INVS: variants seen among roughly 807,000 people sequenced by gnomAD.
The protein encoded by INVS is inversion of embryo turning homolog.
A neutral mutation model predicts 108.8 loss-of-function variants in INVS; 86 were observed. That is an observed-to-expected ratio of 0.79 (90% CI 0.66 to 0.95). The LOEUF (loss-of-function observed/expected upper bound fraction) is 0.95, where lower values mean the gene tolerates loss of function less well. Among genes scored for constraint, INVS ranks in the 40% least tolerant of loss-of-function variants. The probability of loss-of-function intolerance (pLI) is 0.00; values close to 1 mark genes in which losing one functional copy is unlikely to be tolerated. For missense variants in INVS, 1,169 were observed against 1,297.4 expected (o/e 0.90, Z 1.52); for synonymous variants, 455 against 473.5 (o/e 0.96, Z 0.51).
At chr9:100,175,289 T>C (rs1247660084) in intron 3 of INVS, 2 of 684,204 alleles carry the variant, frequency 2.9e-6, no homozygotes, top group African/African-American at 1.8e-5. Flanking sequence ...CTATCCATCC[T>C]TGCATATATC....
intron 11 of INVS, 80 bp downstream of exon 11, chr9:100,265,008 T>C: frequency 2.2e-6 from 2 of 923,714 alleles, no homozygotes; most frequent in Non-Finnish European, 3.6e-6. Flanking sequence ...AGTGGCACGA[T>C]CTTGGCTCAC....
In INVS at chr9:100,300,765, A is replaced by G. The variant is rs1179980210; in HGVS notation, c.*91A>G. On this transcript the variant is annotated 3_prime_UTR_variant, in exon 17 of 17. Coordinates refer to ENST00000262457, the MANE Select transcript of INVS (RefSeq NM_014425.5). ...CTGATAATCTTTTACACCTTGGGAA[A>G]ACTTTAATATCCGTACCTGAAGGCT... is the stretch of plus-strand genomic sequence containing the variant. The G allele has an allele frequency of 9.2e-6, 8 of 874,118 alleles. No individual in the cohort carries two copies. The highest frequency in any genetic ancestry group is 1.3e-5 in the Non-Finnish European group (7 of 530,612). The allele number at this position is 874,118 out of a possible 1,614,324, so 54.1% of individuals were successfully genotyped here.
chr9:100,180,461 C>G (rs558976167), intron 3 of INVS, among the ~76,000 whole-genome samples: 8 of 151,908 alleles, frequency 5.3e-5, no homozygotes, highest in Non-Finnish European at 1.0e-4. Flanking sequence ...CCACTGATCC[C>G]ACAGAAATAC....
In INVS at chr9:100,240,150, G is replaced by A. The variant is rs150883233; in HGVS notation, c.706G>A (p.Val236Met). 57 of 1,613,782 alleles carry A rather than the reference G, an allele frequency of 3.5e-5. No individual in the cohort carries two copies. In the Admixed American group the frequency reaches 4.0e-4, roughly 11 times the overall value. ...HFAVADGNVT[V>M]VDVLTSYESC... is the part of the protein sequence containing the mutation. Reference sequence around the variant, plus strand: ...TGCAGTTGCTGATGGGAATGTGACCGTGGTTGATGTCTTGACCTCATATGA... The same window carrying A: ...TGCAGTTGCTGATGGGAATGTGACCATGGTTGATGTCTTGACCTCATATGA... The change falls in exon 6 of 17, where the codon GTG becomes ATG. Residue 236 changes from valine (V) to methionine (M), a missense_variant. By Grantham distance (21) the Val-to-Met change is conservative (BLOSUM62 1). This residue lies in a region of INVS where 365 missense variants were observed against 397.5 expected (regional missense o/e 0.92). Coordinates refer to ENST00000262457, the MANE Select transcript of INVS (RefSeq NM_014425.5).
chr9:100,176,647 G>A (rs562167591), intron 3 of INVS, among the ~76,000 whole-genome samples: 1 of 151,948 alleles, frequency 6.6e-6, no homozygotes, highest in African/African-American at 2.4e-5. Flanking sequence ...CAGCTATTTT[G>A]TTGTATTTTT....
At chr9:100,157,800 G>C (rs1428934267) in intron 3 of INVS, among the ~76,000 whole-genome samples, 1 of 152,104 alleles carries the variant, frequency 6.6e-6, no homozygotes, top group Non-Finnish European at 1.5e-5. Context: ...AAATTTAACT[G>C]AGTTTCAGAT....
Position 100,226,062 on chromosome 9 carries a change from G to A in INVS, c.274G>A (p.Gly92Arg). ...TTATCATCTCTTGTTTTTTATTTAG[G>A]GAAATTATCGTTTCATGAAACTCTT... ...RTALHLAAQK[G>R]NYRFMKLLLT... is the part of the protein sequence containing the mutation. The change falls in exon 4 of 17, where the codon GGA becomes AGA. Residue 92 changes from glycine to arginine, a missense_variant and splice_region_variant. Gly to Arg is a moderately radical substitution (Grantham distance 125). Coordinates refer to ENST00000262457, the MANE Select transcript of INVS (RefSeq NM_014425.5). The A allele has an allele frequency of 6.2e-7, 1 of 1,608,820 alleles. No individual in the cohort carries two copies. Among genetic ancestry groups the A allele is most frequent in the Non-Finnish European group, 8.5e-7 (1 of 1,177,276 alleles).
At chr9:100,239,984 G>T (rs914030165) in intron 5 of INVS, 76 bp from the exon 6 acceptor site, 5 of 1,383,824 alleles carry the variant, frequency 3.6e-6, no homozygotes, top group Non-Finnish European at 5.1e-6. Context: ...AAGAAAGAAA[G>T]AAAAAAATAC....
intron 9 of INVS, 42 bp downstream of exon 9, chr9:100,252,480 G>T: frequency 1.9e-6 from 3 of 1,570,276 alleles, no homozygotes; most frequent in Non-Finnish European, 8.8e-7. Flanking sequence ...CTCTTAACAG[G>T]TAGGAATTCT....
At chr9:100,214,818 A>G (rs917357329) in intron 3 of INVS, 6 of 152,300 alleles carry the variant, frequency 3.9e-5, no homozygotes, top group African/African-American at 1.4e-4. Context: ...GTAGCTCACT[A>G]TATATTTGTT....
At chr9:100,166,931 T>A (rs1322875795) in intron 3 of INVS, among the ~76,000 whole-genome samples, 1 of 152,200 alleles carries the variant, frequency 6.6e-6, no homozygotes, top group African/African-American at 2.4e-5. Context: ...GTCAGTCCTC[T>A]GCTCCAGACC....
intron 3 of INVS, among the ~76,000 whole-genome samples, chr9:100,145,603 G>A (rs1257836486): frequency 6.6e-6 from 1 of 151,934 alleles, no homozygotes; most frequent in African/African-American, 2.4e-5. Flanking sequence ...GCAGAGAAGG[G>A]GTAGAGACAC....
rs11384901 is a variant in INVS, at chr9:100,225,754, A to AG, written c.274-308_274-307insG. ...TGTACAGTGAAGCATTTACTACAAAAAAAATATTAGAAACATTCTAGATAT... is the reference window on the plus strand; with the variant it reads ...TGTACAGTGAAGCATTTACTACAAAAGAAAATATTAGAAACATTCTAGATAT... On this transcript the variant is annotated intron_variant, in intron 3 of 16. Transcript: ENST00000262457. Among the ~76,000 whole-genome samples, 26,795 of 151,996 alleles carry AG rather than the reference A, an allele frequency of 0.18. 3,559 individuals carry two copies. The highest frequency in any genetic ancestry group is 0.38 in the African/African-American group (15,787 of 41,334).
In INVS at chr9:100,264,669, T is replaced by A. The variant is rs138194373; in HGVS notation, c.1465-153T>A. On this transcript the variant is annotated intron_variant, in intron 10 of 16. Transcript: ENST00000262457. Reference sequence around the variant, plus strand: ...TTATGAGCTCTTGGATCAAATATCATTTGCTTTCTCCACTGTATATTTAAT... The same window carrying A: ...TTATGAGCTCTTGGATCAAATATCAATTGCTTTCTCCACTGTATATTTAAT... 8.5e-5 allele frequency among the ~76,000 whole-genome samples: 13 copies of A among 152,182 alleles called. No individual in the cohort carries two copies. The East Asian group carries it at 2.3e-3, about 27-fold the overall frequency.
intron 3 of INVS, among the ~76,000 whole-genome samples, chr9:100,204,968 C>T (rs1830633573): frequency 6.6e-6 from 1 of 152,066 alleles, no homozygotes; most frequent in Non-Finnish European, 1.5e-5. Flanking sequence ...TATATAGTAT[C>T]TCCCATTATC....
chr9:100,132,257 GAATGAATC>G (rs1828077214), intron 3 of INVS, among the ~76,000 whole-genome samples: 1 of 136,858 alleles, frequency 7.3e-6, no homozygotes, highest in Admixed American at 7.0e-5. Flanking sequence ...ATGAATGAAT[GAATGAATC>G]AGTAAATGTG....
chr9:100,239,038 T>C (rs1831781366), intron 5 of INVS, among the ~76,000 whole-genome samples: 1 of 152,218 alleles, frequency 6.6e-6, no homozygotes. Flanking sequence ...CTTTTACATA[T>C]TGTCATGGGA....
chr9:100,156,758 G>C (rs1828999779), intron 3 of INVS, among the ~76,000 whole-genome samples: 1 of 151,720 alleles, frequency 6.6e-6, no homozygotes, highest in Admixed American at 6.6e-5. Context: ...ATGTTTCCTT[G>C]TTGCCTCTTT....
chr9:100,193,331 A>G (rs1160131808), intron 3 of INVS, among the ~76,000 whole-genome samples: 1 of 152,136 alleles, frequency 6.6e-6, no homozygotes, highest in Non-Finnish European at 1.5e-5. Context: ...GATTCTTTAT[A>G]AAAATTTTGC....
Sources: gnomAD v4.1 joint callset for allele counts (sites outside exome capture counted in the v4.1 genomes callset) on GRCh38, gnomAD v4.1.1 for gene constraint, gnomAD v4.1.1 regional missense constraint, MANE v1.5 for transcripts, NCBI Gene and HGNC (gene_info 2026-07-23, HGNC 2026-07-21) for gene names.